Variants in GRXCR1 observed in about 807,000 individuals in gnomAD.
GRXCR1 encodes glutaredoxin and cysteine rich domain containing 1.
Under a neutral mutation model 27.3 loss-of-function variants are expected in GRXCR1, and 27 were observed. That is an observed-to-expected ratio of 0.99 (90% CI 0.73 to 1.37). The LOEUF is 1.37. Among genes scored for constraint, GRXCR1 ranks in the 40% most tolerant of loss-of-function variants. GRXCR1 has a pLI of 0.00. For synonymous variants in GRXCR1, 122 were observed against 131.1 expected (o/e 0.93, Z 0.47); for missense variants, 379 against 354.4 (o/e 1.07, Z -0.56).
intron 2 of GRXCR1, among the ~76,000 whole-genome samples, chr4:43,008,638 T>C (rs1353107425): frequency 1.3e-5 from 2 of 152,208 alleles, no homozygotes; most frequent in Non-Finnish European, 2.9e-5. Flanking sequence ...ACATTATTAG[T>C]ATCAGGCTTA....
chr4:43,022,005 C>T (rs368239696), intron 3 of GRXCR1, among the ~76,000 whole-genome samples: 5 of 152,106 alleles, frequency 3.3e-5, no homozygotes, highest in Non-Finnish European at 4.4e-5. Context: ...GTACTTGCTC[C>T]TCTTAAAACT....
At chr4:42,943,530 G>A (rs1747671782) in intron 1 of GRXCR1, among the ~76,000 whole-genome samples, 1 of 152,050 alleles carries the variant, frequency 6.6e-6, no homozygotes, top group Non-Finnish European at 1.5e-5. Flanking sequence ...TGGACACTTA[G>A]TTTTAATAAG....
At chr4:42,939,961 G>C (rs984597949) in intron 1 of GRXCR1, among the ~76,000 whole-genome samples, 3 of 151,928 alleles carry the variant, frequency 2.0e-5, no homozygotes, top group African/African-American at 2.4e-5. Flanking sequence ...TAGAAGGGCC[G>C]AGTGGGAGCA....
Position 42,893,282 on chromosome 4 carries a change from A to G in GRXCR1, c.16A>G (p.Met6Val). 1 of 1,613,638 alleles carries G rather than the reference A, an allele frequency of 6.2e-7. No homozygotes were observed. The highest frequency in any genetic ancestry group is 8.5e-7 in the Non-Finnish European group (1 of 1,179,698). Residue 6 changes from methionine (M) to valine (V), a missense_variant, in exon 1 of 4, where the codon ATG becomes GTG. Transcript: ENST00000399770. MLKREMKPESDRPRKV... is the reference protein window; with the variant it reads MLKREVKPESDRPRKV... ...GGAGGTGACCATGCTTAAAAGGGAG[A>G]TGAAGCCAGAAAGTGACAGGCCACG...
At chr4:42,910,729 C>T (rs1174919108) in intron 1 of GRXCR1, among the ~76,000 whole-genome samples, 2 of 152,136 alleles carry the variant, frequency 1.3e-5, no homozygotes, top group Admixed American at 1.3e-4. Context: ...CATTCTGACT[C>T]CTCCAGTCTT....
chr4:42,986,898 G>C (rs979138003), intron 2 of GRXCR1, among the ~76,000 whole-genome samples: 3 of 151,758 alleles, frequency 2.0e-5, no homozygotes, highest in Non-Finnish European at 4.4e-5. Flanking sequence ...AAGCCAAACA[G>C]TCACCGAACA....
intron 1 of GRXCR1, among the ~76,000 whole-genome samples, chr4:42,918,784 T>G (rs1177736506): frequency 6.6e-6 from 1 of 152,084 alleles, no homozygotes; most frequent in East Asian, 1.9e-4. Flanking sequence ...GAATCTATCC[T>G]AGGATCAAGC....
chr4:42,937,537 T>G (rs1747489479), intron 1 of GRXCR1, among the ~76,000 whole-genome samples: 1 of 151,920 alleles, frequency 6.6e-6, no homozygotes, highest in Admixed American at 6.6e-5. Context: ...CCTGTGTATT[T>G]CCACATCTAT....
intron 2 of GRXCR1, among the ~76,000 whole-genome samples, chr4:43,010,001 T>C (rs1376103969): frequency 6.6e-6 from 1 of 152,186 alleles, no homozygotes; most frequent in Non-Finnish European, 1.5e-5. Flanking sequence ...ATTTCTCTGC[T>C]TCAGGAGTGA....
intron 2 of GRXCR1, among the ~76,000 whole-genome samples, chr4:43,009,072 A>G (rs182838726): frequency 8.1e-4 from 123 of 152,308 alleles, no homozygotes; most frequent in African/African-American, 2.6e-3. Context: ...GTTTCAGAAA[A>G]TCTCAAGCTT....
At chr4:42,962,325 T>G (rs1176999930) in intron 1 of GRXCR1, among the ~76,000 whole-genome samples, 1 of 152,002 alleles carries the variant, frequency 6.6e-6, no homozygotes, top group Non-Finnish European at 1.5e-5. Context: ...GGCATAACTT[T>G]CTCACTACAT....
intron 1 of GRXCR1, among the ~76,000 whole-genome samples, chr4:42,946,594 T>A (rs1747749345): frequency 6.6e-6 from 1 of 152,138 alleles, no homozygotes; most frequent in African/African-American, 2.4e-5. Context: ...AAGTTCAAGA[T>A]CACAGTGAGC....
intron 2 of GRXCR1, among the ~76,000 whole-genome samples, chr4:42,974,912 G>A (rs992259491): frequency 2.0e-5 from 3 of 151,928 alleles, no homozygotes; most frequent in East Asian, 3.9e-4. Flanking sequence ...TTGTAAAATA[G>A]ACTGAAAACC....
At chr4:43,021,504 A>G (rs534770347) in intron 3 of GRXCR1, among the ~76,000 whole-genome samples, 15 of 149,996 alleles carry the variant, frequency 1.0e-4, no homozygotes, top group Non-Finnish European at 2.2e-4. Context: ...GACCTTTCCC[A>G]GAAGGAAAAC....
rs1484457982 is a variant in GRXCR1, at chr4:42,900,917, G to A, written c.384+7267G>A. Among the ~76,000 whole-genome samples the A allele has an allele frequency of 3.3e-5, 5 of 152,100 alleles. No homozygotes were observed. In the East Asian group the frequency reaches 5.8e-4, roughly 18 times the overall value. On this transcript the variant is annotated intron_variant, in intron 1 of 3. Coordinates refer to ENST00000399770, the MANE Select transcript of GRXCR1 (RefSeq NM_001080476.3). ...CCACAGGGCAACTGTTCTTATTCGC[G>A]TATCACCTTTGGTGAAGAGCCAGGT... is the stretch of plus-strand genomic sequence containing the variant.
chr4:42,989,302 C>A (rs995000120), intron 2 of GRXCR1, among the ~76,000 whole-genome samples: 1 of 151,992 alleles, frequency 6.6e-6, no homozygotes, highest in Non-Finnish European at 1.5e-5. Flanking sequence ...CTCACGTGGC[C>A]TTTTCTCTCT....
rs149615524 is a variant in GRXCR1, at chr4:42,995,506, G to C, written c.628-24848G>C. On this transcript the variant is annotated intron_variant, in intron 2 of 3. Coordinates refer to ENST00000399770, the MANE Select transcript of GRXCR1 (RefSeq NM_001080476.3). Reference sequence around the variant, plus strand: ...TCTTCTTTGCTAGAAAGAGATAATTGCACAATTGTGTACCAACCACTAGGA... The same window carrying C: ...TCTTCTTTGCTAGAAAGAGATAATTCCACAATTGTGTACCAACCACTAGGA... 6.4e-4 allele frequency among the ~76,000 whole-genome samples: 97 copies of C among 152,122 alleles called. 1 individual carries two copies. Among genetic ancestry groups the C allele is most frequent in the African/African-American group, 2.2e-3 (92 of 41,504 alleles).
At chr4:42,952,140 G>C (rs961673733) in intron 1 of GRXCR1, among the ~76,000 whole-genome samples, 23 of 152,252 alleles carry the variant, frequency 1.5e-4, no homozygotes, top group African/African-American at 5.5e-4. Flanking sequence ...ATATATGCTT[G>C]ACTCTATTGT....
At chr4:43,011,705 T>C (rs1214117531) in intron 2 of GRXCR1, among the ~76,000 whole-genome samples, 1 of 152,154 alleles carries the variant, frequency 6.6e-6, no homozygotes, top group African/African-American at 2.4e-5. Flanking sequence ...TGAACAATTA[T>C]TGAGCAACAT....
Sources: allele counts gnomAD v4.1 joint callset (sites outside exome capture counted in the v4.1 genomes callset), GRCh38; gene constraint gnomAD v4.1.1; transcripts MANE v1.5; gene names NCBI Gene and HGNC (gene_info 2026-07-23, HGNC 2026-07-21).